The following GNG12 variants were observed in gnomAD, a reference collection of about 807,000 sequenced individuals.
GNG12 encodes guanine nucleotide-binding protein G(I)/G(S)/G(O) subunit gamma-12.
For missense variants in GNG12, 69 were observed against 83.8 expected (o/e 0.82, Z 0.69); for synonymous variants, 28 against 29.7 (o/e 0.94, Z 0.19).
rs539995925 is a variant in GNG12, at chr1:67,726,848, T to C, written c.-26-19136A>G. On this transcript the variant is annotated intron_variant, in intron 2 of 3. Transcript: ENST00000370982. Reference sequence around the variant, plus strand: ...ATTCTTGTACTTGTGAAAGGGAGGGTGATATAGACTTTGGTTTTAGGATAC... The same window carrying C: ...ATTCTTGTACTTGTGAAAGGGAGGGCGATATAGACTTTGGTTTTAGGATAC... Among the ~76,000 whole-genome samples, 58 of 152,010 alleles carry C rather than the reference T, an allele frequency of 3.8e-4. No individual in the cohort carries two copies. The South Asian group carries it at 0.012, about 31-fold the overall frequency.
In GNG12 at chr1:67,704,346, C is replaced by T. The variant is rs767522900; in HGVS notation, c.*1105G>A. ...TTTTTTTAATTTTTTTTTTCCTCAC[C>T]GTATTCCACATACCTGTGGCTGGGG... On this transcript the variant is annotated 3_prime_UTR_variant, in exon 4 of 4. Transcript: ENST00000370982. 40 of 151,866 alleles carry T rather than the reference C, an allele frequency of 2.6e-4. No individual in the cohort carries two copies. Among genetic ancestry groups the T allele is most frequent in the African/African-American group, 7.7e-4 (32 of 41,320 alleles). 9.4% of individuals were successfully genotyped at this position (151,866 alleles called of 1,614,324 possible). A position where few individuals can be genotyped will look rare whatever the true frequency, so the allele number is the denominator to read the frequency against.
chr1:67,813,207 T>C (rs912694723), intron 1 of GNG12, among the ~76,000 whole-genome samples: 5 of 152,138 alleles, frequency 3.3e-5, no homozygotes, highest in African/African-American at 1.2e-4. Context: ...TGAATACGAA[T>C]AGCATCCTCT....
At chr1:67,783,802 A>G (rs1209430885) in intron 1 of GNG12, among the ~76,000 whole-genome samples, 1 of 152,078 alleles carries the variant, frequency 6.6e-6, no homozygotes, top group Non-Finnish European at 1.5e-5. Flanking sequence ...CGATCATTAA[A>G]AAGTCAGGAA....
At chr1:67,778,128 TA>T (rs2100764394) in intron 1 of GNG12, among the ~76,000 whole-genome samples, 1 of 149,856 alleles carries the variant, frequency 6.7e-6, no homozygotes, top group African/African-American at 2.4e-5. Flanking sequence ...ATAATTATAA[TA>T]AAATACATTT....
chr1:67,788,469 G>T (rs1557618039), intron 1 of GNG12, among the ~76,000 whole-genome samples: 1 of 150,996 alleles, frequency 6.6e-6, no homozygotes, highest in Admixed American at 6.6e-5. Context: ...TGGTAGCTGG[G>T]ACTACAGGGG....
At chr1:67,740,782 G>A (rs1463251226) in intron 2 of GNG12, among the ~76,000 whole-genome samples, 3 of 152,138 alleles carry the variant, frequency 2.0e-5, no homozygotes, top group African/African-American at 7.2e-5. Context: ...CCACCTTGTG[G>A]TACATAGCAA....
At chr1:67,809,961 T>C (rs914895595) in intron 1 of GNG12, among the ~76,000 whole-genome samples, 1 of 152,200 alleles carries the variant, frequency 6.6e-6, no homozygotes, top group Admixed American at 6.5e-5. Context: ...GCCCGAAAAT[T>C]TGCACATGGA....
intron 2 of GNG12, among the ~76,000 whole-genome samples, chr1:67,759,910 G>T (rs912561642): frequency 6.6e-6 from 1 of 152,124 alleles, no homozygotes; most frequent in South Asian, 2.1e-4. Flanking sequence ...AAATATTCTA[G>T]GCTGCCCTTT....
chr1:67,763,153 G>C (rs1646616657), intron 2 of GNG12, among the ~76,000 whole-genome samples: 1 of 138,676 alleles, frequency 7.2e-6, no homozygotes, highest in South Asian at 2.4e-4. Flanking sequence ...AAATATTTCA[G>C]TGTATACTTC....
intron 2 of GNG12, among the ~76,000 whole-genome samples, chr1:67,776,386 C>T (rs1030427233): frequency 6.6e-6 from 1 of 152,150 alleles, no homozygotes; most frequent in Non-Finnish European, 1.5e-5. Flanking sequence ...TATCCATGCT[C>T]CTTGAAATGG....
chr1:67,796,509 A>C (rs1282360193), intron 1 of GNG12, among the ~76,000 whole-genome samples: 2 of 152,142 alleles, frequency 1.3e-5, no homozygotes, highest in Non-Finnish European at 2.9e-5. Flanking sequence ...GCACTTTCCT[A>C]TGAGCTCATG....
chr1:67,708,591 C>G (rs1231962451), intron 2 of GNG12, among the ~76,000 whole-genome samples: 1 of 152,192 alleles, frequency 6.6e-6, no homozygotes, highest in African/African-American at 2.4e-5. Context: ...CAGAAACATC[C>G]TGGCCCTTGC....
intron 2 of GNG12, among the ~76,000 whole-genome samples, chr1:67,758,009 T>TG (rs1363073541): frequency 6.6e-6 from 1 of 152,222 alleles, no homozygotes; most frequent in African/African-American, 2.4e-5. Flanking sequence ...TTTACTCTTG[T>TG]CGCCCAGTCT....
chr1:67,737,221 T>C (rs1646457280), intron 2 of GNG12, among the ~76,000 whole-genome samples: 1 of 152,252 alleles, frequency 6.6e-6, no homozygotes, highest in African/African-American at 2.4e-5. Context: ...TCTTTTGCAT[T>C]GCCAAATGGC....
At chr1:67,715,121 G>C (rs1447826974) in intron 2 of GNG12, among the ~76,000 whole-genome samples, 2 of 152,086 alleles carry the variant, frequency 1.3e-5, no homozygotes, top group Middle Eastern at 3.2e-3. Flanking sequence ...GTTTCACCAT[G>C]TTGGCCAGGC....
At chr1:67,791,909 C>T (rs2100784381) in intron 1 of GNG12, among the ~76,000 whole-genome samples, 1 of 152,304 alleles carries the variant, frequency 6.6e-6, no homozygotes, top group African/African-American at 2.4e-5. Flanking sequence ...CTGGCCTTGG[C>T]TCACTCTATC....
chr1:67,793,137 A>G (rs888735128), intron 1 of GNG12, among the ~76,000 whole-genome samples: 5 of 152,178 alleles, frequency 3.3e-5, no homozygotes, highest in African/African-American at 1.2e-4. Flanking sequence ...CTTTTCTTGA[A>G]GCATAATCTT....
chr1:67,736,690 A>G (rs1184925846), intron 2 of GNG12, among the ~76,000 whole-genome samples: 1 of 152,168 alleles, frequency 6.6e-6, no homozygotes, highest in African/African-American at 2.4e-5. Context: ...GTGGGGACAG[A>G]CAGTTCCTTG....
intron 1 of GNG12, chr1:67,832,234 CGCGCCCTGACACGT>C (rs1647051018): frequency 6.6e-6 from 1 of 152,212 alleles, no homozygotes; most frequent in African/African-American, 2.4e-5. Flanking sequence ...AGCCATTAAA[CGCGCCCTGACACGT>C]GGGCGCAGGA....
Sources: allele counts gnomAD v4.1 joint callset (sites outside exome capture counted in the v4.1 genomes callset), GRCh38; gene constraint gnomAD v4.1.1; transcripts MANE v1.5; gene names NCBI Gene and HGNC (gene_info 2026-07-23, HGNC 2026-07-21).